Variants in TIMM23 observed in about 807,000 individuals in gnomAD.
The protein encoded by TIMM23 is translocase of inner mitochondrial membrane 23.
TIMM23 carries 19 observed loss-of-function variants against 30.7 expected under a neutral mutation model. The observed-to-expected ratio is 0.62, with a 90% CI of 0.43 to 0.91. The LOEUF (loss-of-function observed/expected upper bound fraction) is 0.91. TIMM23 is among the 40% of genes least tolerant of loss of function. TIMM23 has a pLI of 0.00. For missense variants in TIMM23, 202 were observed against 269.2 expected, an observed-to-expected ratio of 0.75 and a Z score of 1.75; for synonymous variants, 78 against 98.5, an observed-to-expected ratio of 0.79 and a Z score of 1.23.
intron 2 of TIMM23, among the ~76,000 whole-genome samples, chr10:45,977,895 G>T (rs1260088798): frequency 2.0e-5 from 3 of 151,988 alleles, no homozygotes; most frequent in Admixed American, 6.6e-5. Context: ...GCCAGGCGTG[G>T]TGCTGGGCGC....
chr10:45,996,261 C>T (rs1286498065), intron 6 of TIMM23, among the ~76,000 whole-genome samples: 1 of 144,022 alleles, frequency 6.9e-6, no homozygotes, highest in Non-Finnish European at 1.5e-5. Flanking sequence ...ACTAGGGAGG[C>T]TGAGACAGGA....
intron 6 of TIMM23, 85 bp from the exon 7 acceptor site, chr10:46,003,118 C>T (rs1425996037): frequency 8.8e-7 from 1 of 1,131,366 alleles, no homozygotes; most frequent in Non-Finnish European, 1.3e-6. Flanking sequence ...CAGCCCATTT[C>T]ACAGTACTTT....
At chr10:45,975,752 A>G (rs1457267888) in intron 2 of TIMM23, among the ~76,000 whole-genome samples, 10 of 152,228 alleles carry the variant, frequency 6.6e-5, no homozygotes, top group Admixed American at 3.3e-4. Context: ...AAGCACCCCA[A>G]TAAAAGTATT....
Position 45,985,434 on chromosome 10 carries a change from T to G in TIMM23, c.396T>G (p.Gly132=). Reference sequence around the variant, plus strand: ...GGGCACTTTGGGCTAATACTCTAGGTTCTCTGGGTAAGTAGAGATCTCATT... The same window carrying G: ...GGGCACTTTGGGCTAATACTCTAGGGTCTCTGGGTAAGTAGAGATCTCATT... ...RQGALWANTL[G]SLALLYSAFG... The change falls in exon 5 of 7, where the codon GGT becomes GGG. Residue 132 remains glycine, a synonymous_variant. Coordinates refer to ENST00000580018, the MANE Select transcript of TIMM23 (RefSeq NM_006327.4). 2 of 1,613,438 alleles carry G rather than the reference T, an allele frequency of 1.2e-6. No homozygotes were observed. Among genetic ancestry groups the G allele is most frequent in the Non-Finnish European group, 1.7e-6 (2 of 1,179,528 alleles).
intron 6 of TIMM23, among the ~76,000 whole-genome samples, chr10:46,002,068 C>T (rs782059724): frequency 3.9e-5 from 6 of 152,174 alleles, no homozygotes; most frequent in African/African-American, 1.4e-4. Context: ...TTCTTTTCAA[C>T]TAGCATGATG....
At position 45,982,506 on chromosome 10, in the gene TIMM23, C is replaced by T; in HGVS notation, c.166-17C>T. ...CTTGAGGGACACTCAGCTTGGTTTT[C>T]ATTATTATCCTTTTAGGATACAGAT... On this transcript the variant is annotated splice_polypyrimidine_tract_variant and intron_variant, in intron 2 of 6. Coordinates refer to ENST00000580018, the MANE Select transcript of TIMM23 (RefSeq NM_006327.4). 1 of 1,613,620 alleles carries T rather than the reference C, an allele frequency of 6.2e-7. No individual in the cohort carries two copies. The highest frequency in any genetic ancestry group is 1.7e-5 in the Admixed American group (1 of 59,994).
At chr10:45,985,988 A>G (rs1228990975) in intron 5 of TIMM23, among the ~76,000 whole-genome samples, 39 of 152,208 alleles carry the variant, frequency 2.6e-4, no homozygotes, top group Non-Finnish European at 4.7e-4. Flanking sequence ...CTTTCATACC[A>G]TATTGTTTAT....
chr10:45,978,361 T>G (rs4551715), intron 2 of TIMM23, among the ~76,000 whole-genome samples: 1 of 152,062 alleles, frequency 6.6e-6, no homozygotes, highest in Non-Finnish European at 1.5e-5. Context: ...GGAAAAAAAT[T>G]GGGAAAAGAC....
chr10:45,979,255 G>GT (rs1448086212), intron 2 of TIMM23, among the ~76,000 whole-genome samples: 2 of 152,182 alleles, frequency 1.3e-5, no homozygotes, highest in Non-Finnish European at 2.9e-5. Context: ...TACGCTCTAA[G>GT]TAAGTGGATT....
intron 2 of TIMM23, among the ~76,000 whole-genome samples, chr10:45,979,132 T>C (rs1554913596): frequency 6.6e-6 from 1 of 152,192 alleles, no homozygotes; most frequent in African/African-American, 2.4e-5. Context: ...TAGGAGTAAA[T>C]GGGCAGTGAC....
At chr10:45,999,966 A>G (rs1008967854) in intron 6 of TIMM23, among the ~76,000 whole-genome samples, 13 of 152,252 alleles carry the variant, frequency 8.5e-5, no homozygotes, top group Non-Finnish European at 1.6e-4. Flanking sequence ...AAGGAAGAAC[A>G]GTATGGCTCT....
chr10:45,978,933 A>T (rs1328383077), intron 2 of TIMM23, among the ~76,000 whole-genome samples: 4 of 152,278 alleles, frequency 2.6e-5, no homozygotes, highest in African/African-American at 9.6e-5. Context: ...GCATATCCAT[A>T]CAATGGAATA....
At chr10:46,002,847 C>T (rs1838592692) in intron 6 of TIMM23, among the ~76,000 whole-genome samples, 1 of 113,632 alleles carries the variant, frequency 8.8e-6, no homozygotes, top group Admixed American at 1.1e-4. Context: ...CGGAGTCTCA[C>T]TTGTCTCATC....
intron 6 of TIMM23, among the ~76,000 whole-genome samples, chr10:46,002,008 A>C (rs782498440): frequency 3.3e-5 from 5 of 152,016 alleles, no homozygotes; most frequent in Non-Finnish European, 7.4e-5. Flanking sequence ...CCACATGTAA[A>C]ATTGTTCACT....
Position 45,982,608 on chromosome 10 carries a change from G to C in TIMM23, c.251G>C (p.Cys84Ser). 1 of 1,613,890 alleles carries C rather than the reference G, an allele frequency of 6.2e-7. No homozygotes were observed. Among genetic ancestry groups the C allele is most frequent in the South Asian group, 1.1e-5 (1 of 91,078 alleles). Residue 84 changes from cysteine (C) to serine (S), a missense_variant, in exon 3 of 7, where the codon TGC becomes TCC. By Grantham distance (112) the Cys-to-Ser change is moderately radical (BLOSUM62 -1). Coordinates refer to ENST00000580018, the MANE Select transcript of TIMM23 (RefSeq NM_006327.4). ...GCCTTCTTTACGATTGGAGGATGTT[G>C]CATGACAGGTGAGTGTTACATACTT... ...ELAFFTIGGC[C>S]MTGAAFGAMN...
chr10:45,976,065 A>G (rs1341038805), intron 2 of TIMM23, among the ~76,000 whole-genome samples: 15 of 152,272 alleles, frequency 9.9e-5, no homozygotes, highest in African/African-American at 3.6e-4. Flanking sequence ...CTCAGTTTAC[A>G]ATATCAGGGT....
At chr10:45,986,310 C>T (rs1422979406) in intron 5 of TIMM23, among the ~76,000 whole-genome samples, 18 of 152,236 alleles carry the variant, frequency 1.2e-4, no homozygotes, top group Admixed American at 2.6e-4. Flanking sequence ...AGAGTCACCC[C>T]GCTCTGTTTC....
intron 3 of TIMM23, 37 bp from the exon 4 acceptor site, chr10:45,982,809 G>T: frequency 6.2e-7 from 1 of 1,613,602 alleles, no homozygotes; most frequent in Admixed American, 1.7e-5. Context: ...TTAATATAAA[G>T]CTGTCTTTAT....
At chr10:45,978,079 A>C (rs1409776301) in intron 2 of TIMM23, among the ~76,000 whole-genome samples, 1 of 152,104 alleles carries the variant, frequency 6.6e-6, no homozygotes, top group Non-Finnish European at 1.5e-5. Context: ...GTCCTGGCGC[A>C]GTGGCTCGTG....
Sources: gnomAD v4.1 joint callset for allele counts (sites outside exome capture counted in the v4.1 genomes callset) on GRCh38, gnomAD v4.1.1 for gene constraint, MANE v1.5 for transcripts, NCBI Gene and HGNC (gene_info 2026-07-23, HGNC 2026-07-21) for gene names.